The following MPPED1 variants were observed in gnomAD, a reference collection of about 807,000 sequenced individuals.
The protein encoded by MPPED1 is metallophosphoesterase domain containing 1.
In MPPED1, 16 loss-of-function variants were observed where a neutral mutation model predicts 36.2. The observed-to-expected ratio is 0.44, with a 90% CI of 0.30 to 0.67. The LOEUF (loss-of-function observed/expected upper bound fraction) is 0.67. Ranked by LOEUF, MPPED1 falls within the 30% of genes least tolerant of loss-of-function variation. MPPED1 has a pLI of 0.10. For synonymous variants in MPPED1, 199 were observed against 191.3 expected, an observed-to-expected ratio of 1.04 and a Z score of -0.33; for missense variants, 307 against 453.4, an observed-to-expected ratio of 0.68 and a Z score of 2.93.
chr22:43,482,379 C>T (rs1292612650), intron 4 of MPPED1, among the ~76,000 whole-genome samples: 3 of 152,234 alleles, frequency 2.0e-5, no homozygotes, highest in South Asian at 2.1e-4. Flanking sequence ...TCCTGATTCT[C>T]GGCTCAGGGG....
At chr22:43,418,298 TG>T in intron 1 of MPPED1, 1 of 367,852 alleles carries the variant, frequency 2.7e-6, no homozygotes, top group South Asian at 2.0e-5. Context: ...CTGTGTTGGC[TG>T]GAAGTGATGC....
chr22:43,443,738 A>T (rs1451823863), intron 3 of MPPED1, among the ~76,000 whole-genome samples: 1 of 152,176 alleles, frequency 6.6e-6, no homozygotes, highest in Non-Finnish European at 1.5e-5. Context: ...TGTACAGCAG[A>T]CTTAAAATGG....
chr22:43,444,309 T>C (rs995595873), intron 3 of MPPED1, among the ~76,000 whole-genome samples: 6 of 122,726 alleles, frequency 4.9e-5, no homozygotes, highest in Admixed American at 3.5e-4. Context: ...TGTGTGTGTG[T>C]GTGTGTGTGT....
At position 43,500,640 on chromosome 22, in the gene MPPED1, C is replaced by T. The variant is rs192727439; in HGVS notation, c.749-2004C>T. ...GGCCCATATCAGTGTCTTGCTCCCACCGCCACCTCCAGAAACCCACCATCA... is the reference window on the plus strand; with the variant it reads ...GGCCCATATCAGTGTCTTGCTCCCATCGCCACCTCCAGAAACCCACCATCA... On this transcript the variant is annotated intron_variant, in intron 5 of 6. Transcript: ENST00000443721. 2.0e-5 allele frequency among the ~76,000 whole-genome samples: 3 copies of T among 152,112 alleles called. No individual in the cohort carries two copies. The East Asian group carries it at 5.8e-4, about 29-fold the overall frequency.
chr22:43,487,227 G>A (rs1336269767), intron 4 of MPPED1, among the ~76,000 whole-genome samples: 2 of 152,192 alleles, frequency 1.3e-5, no homozygotes, highest in Non-Finnish European at 2.9e-5. Flanking sequence ...GAAACTGCTG[G>A]AAGAGGTGGC....
At chr22:43,413,605 C>T (rs1928982524) in intron 1 of MPPED1, among the ~76,000 whole-genome samples, 1 of 152,174 alleles carries the variant, frequency 6.6e-6, no homozygotes, top group South Asian at 2.1e-4. Context: ...CATTCTGGAG[C>T]CAGGCGCAGT....
intron 1 of MPPED1, chr22:43,417,933 G>A: frequency 4.9e-6 from 2 of 406,606 alleles, no homozygotes; most frequent in South Asian, 3.6e-5. Flanking sequence ...GGGTTCCTCA[G>A]AACGCCGCAG....
chr22:43,464,313 GT>G (rs1931085512), intron 3 of MPPED1, among the ~76,000 whole-genome samples: 1 of 151,772 alleles, frequency 6.6e-6, no homozygotes, highest in Admixed American at 6.6e-5. Flanking sequence ...GTGTGTGTGT[GT>G]GTGTGTGTGT....
At chr22:43,467,245 G>A (rs1361152241) in intron 3 of MPPED1, among the ~76,000 whole-genome samples, 2 of 152,198 alleles carry the variant, frequency 1.3e-5, no homozygotes, top group African/African-American at 2.4e-5. Context: ...AGAATGGCCC[G>A]TGCCTGCTAA....
chr22:43,469,954 C>T (rs1185338196), intron 3 of MPPED1, among the ~76,000 whole-genome samples: 1 of 152,088 alleles, frequency 6.6e-6, no homozygotes, highest in African/African-American at 2.4e-5. Context: ...ATAAAGCATC[C>T]ATTCATTCAT....
chr22:43,435,312 G>T (rs1929919408), intron 3 of MPPED1, 97 bp downstream of exon 3: 10 of 1,368,976 alleles, frequency 7.3e-6, no homozygotes, highest in Middle Eastern at 2.2e-4. Context: ...CTCCTGCGCT[G>T]CCCGGGCCCC....
At position 43,463,366 on chromosome 22, in the gene MPPED1, C is replaced by T. The variant is rs1931023516; in HGVS notation, c.407-11370C>T. On this transcript the variant is annotated intron_variant, in intron 3 of 6. Transcript: ENST00000443721. ...TTTTTTTTTGAGACAGGATCTTGCTCTGTCACCCAGGCCAGAGTGCAGTGG... is the reference window on the plus strand; with the variant it reads ...TTTTTTTTTGAGACAGGATCTTGCTTTGTCACCCAGGCCAGAGTGCAGTGG... Among the ~76,000 whole-genome samples, 3 of 136,850 alleles carry T rather than the reference C, an allele frequency of 2.2e-5. No homozygotes were observed. In the South Asian group the frequency reaches 6.8e-4, roughly 31 times the overall value. 89.8% of individuals were successfully genotyped at this position (136,850 alleles called of 152,430 possible). A position where few individuals can be genotyped will look rare whatever the true frequency, so the allele number is the denominator to read the frequency against.
intron 1 of MPPED1, among the ~76,000 whole-genome samples, chr22:43,415,225 C>CAAAA (rs34357060): frequency 0.011 from 559 of 49,252 alleles, 2 homozygotes; most frequent in East Asian, 0.055. Context: ...ATGTCAAAAG[C>CAAAA]AAAAAAAAAA....
intron 3 of MPPED1, among the ~76,000 whole-genome samples, chr22:43,466,162 AGGATG>A (rs767310556): frequency 3.2e-4 from 49 of 152,236 alleles, no homozygotes; most frequent in Non-Finnish European, 1.9e-4. Context: ...TTTGGCTATT[AGGATG>A]GAACAGAAGA....
At chr22:43,445,673 G>A (rs1410024421) in intron 3 of MPPED1, among the ~76,000 whole-genome samples, 1 of 146,404 alleles carries the variant, frequency 6.8e-6, no homozygotes, top group Non-Finnish European at 1.5e-5. Flanking sequence ...CAACCCTCCC[G>A]TCTTAGTCCC....
At chr22:43,447,957 C>A (rs892542763) in intron 3 of MPPED1, among the ~76,000 whole-genome samples, 1 of 147,438 alleles carries the variant, frequency 6.8e-6, no homozygotes, top group African/African-American at 2.5e-5. Flanking sequence ...CGGCTCACTA[C>A]AACCTCTGCC....
At chr22:43,447,883 A>ATATATATATATATATATTTT (rs1321289636) in intron 3 of MPPED1, among the ~76,000 whole-genome samples, 55 of 67,696 alleles carry the variant, frequency 8.1e-4, no homozygotes, top group Non-Finnish European at 1.1e-3. Flanking sequence ...ATATATATAT[A>ATATATATATATATATATTTT]TTTTTTTTTT....
At chr22:43,482,032 G>A (rs1278721511) in intron 4 of MPPED1, among the ~76,000 whole-genome samples, 4 of 152,150 alleles carry the variant, frequency 2.6e-5, no homozygotes, top group Admixed American at 6.5e-5. Context: ...AGGTGCAGCC[G>A]GTGTTGGGCC....
intron 1 of MPPED1, among the ~76,000 whole-genome samples, chr22:43,412,916 A>T (rs1928955985): frequency 6.6e-6 from 1 of 152,206 alleles, no homozygotes; most frequent in Non-Finnish European, 1.5e-5. Context: ...GAGGCGTGTC[A>T]TTCAGAGCAC....
Sources: gnomAD v4.1 joint callset for allele counts (sites outside exome capture counted in the v4.1 genomes callset) on GRCh38, gnomAD v4.1.1 for gene constraint, MANE v1.5 for transcripts, NCBI Gene and HGNC (gene_info 2026-07-23, HGNC 2026-07-21) for gene names.